PRELID2: variants seen among roughly 807,000 people sequenced by gnomAD.
The protein encoded by PRELID2 is PRELI domain containing 2.
Under a neutral mutation model 28.4 loss-of-function variants are expected in PRELID2, and 25 were observed. The observed-to-expected ratio is 0.88, with a 90% CI of 0.64 to 1.23. The LOEUF is 1.23. Ranked by LOEUF, PRELID2 falls within the 50% of genes most tolerant of loss-of-function variation. The probability of loss-of-function intolerance (pLI) is 0.00; values close to 1 mark genes in which losing one functional copy is unlikely to be tolerated. For synonymous variants in PRELID2, 76 were observed against 71.6 expected, an observed-to-expected ratio of 1.06 and a Z score of -0.31; for missense variants, 201 against 214.4, an observed-to-expected ratio of 0.94 and a Z score of 0.39.
chr5:145,304,509 T>TTGAGG, the PRELID2 span, among the ~76,000 whole-genome samples: 8 of 152,196 alleles, frequency 5.3e-5, no homozygotes, highest in Non-Finnish European at 1.2e-4. Flanking sequence ...TGACAAAATT[T>TTGAGG]TGAGGTGAGG....
chr5:145,233,969 G>A, the PRELID2 span, among the ~76,000 whole-genome samples: 2 of 152,172 alleles, frequency 1.3e-5, no homozygotes, highest in Admixed American at 1.3e-4. Flanking sequence ...TGCTTTCAGA[G>A]TCTTTGCATT....
chr5:145,434,544 T>C, the PRELID2 span, among the ~76,000 whole-genome samples: 2 of 152,164 alleles, frequency 1.3e-5, no homozygotes, highest in African/African-American at 4.8e-5. Flanking sequence ...GAATCATTAG[T>C]TCATAGATTA....
intron 1 of PRELID2, among the ~76,000 whole-genome samples, chr5:145,648,971 T>A (rs889912550): frequency 6.6e-6 from 1 of 152,064 alleles, no homozygotes; most frequent in African/African-American, 2.4e-5. Flanking sequence ...AAACCATACT[T>A]TGAGTACCTA....
At chr5:145,518,857 A>G (rs1332281153) in intron 1 of PRELID2, among the ~76,000 whole-genome samples, 3 of 152,240 alleles carry the variant, frequency 2.0e-5, no homozygotes, top group Non-Finnish European at 2.9e-5. Context: ...ACAATCCCTT[A>G]CAATGAAGGT....
chr5:145,382,932 C>T, the PRELID2 span, among the ~76,000 whole-genome samples: 3 of 151,294 alleles, frequency 2.0e-5, no homozygotes, highest in African/African-American at 7.3e-5. Context: ...AAATATATAA[C>T]AATGATCTAT....
the PRELID2 span, among the ~76,000 whole-genome samples, chr5:145,404,990 C>A: frequency 6.6e-6 from 1 of 152,040 alleles, no homozygotes; most frequent in Non-Finnish European, 1.5e-5. Flanking sequence ...CTCATATTTT[C>A]ATGGTTTTAA....
chr5:145,503,386 G>A (rs538962835), intron 1 of PRELID2, among the ~76,000 whole-genome samples: 7 of 152,164 alleles, frequency 4.6e-5, no homozygotes, highest in Middle Eastern at 6.8e-3. Flanking sequence ...ATAAAATTAA[G>A]AGAAAAACAA....
chr5:145,648,059 T>C (rs1401451248), intron 1 of PRELID2, among the ~76,000 whole-genome samples: 1 of 152,200 alleles, frequency 6.6e-6, no homozygotes. Context: ...TCACTGCCCA[T>C]TTTGGTAAGG....
At chr5:145,323,169 C>A in the PRELID2 span, among the ~76,000 whole-genome samples, 3 of 150,408 alleles carry the variant, frequency 2.0e-5, no homozygotes, top group African/African-American at 7.4e-5. Flanking sequence ...AAGACAGCAC[C>A]AGCAGAGGGG....
intron 1 of PRELID2, among the ~76,000 whole-genome samples, chr5:145,629,079 C>A (rs1294649593): frequency 5.9e-5 from 9 of 152,156 alleles, no homozygotes; most frequent in Admixed American, 5.9e-4. Context: ...CTACCAGAAC[C>A]ACTAAGTCAG....
rs542848894 is a variant in PRELID2 at position 145,821,487 on chromosome 5, T to C, written c.134-1469A>G. On this transcript the variant is annotated intron_variant, in intron 2 of 6. Coordinates refer to ENST00000683046, the MANE Select transcript of PRELID2 (RefSeq NM_205846.3). ...ATTAAGCCAGGGATGTAAAAAACAATGTTAGTTAAGAAAAAGAAAGGCAGA... is the reference window on the plus strand; with the variant it reads ...ATTAAGCCAGGGATGTAAAAAACAACGTTAGTTAAGAAAAAGAAAGGCAGA... Among the ~76,000 whole-genome samples the C allele has an allele frequency of 2.8e-4, 42 of 152,198 alleles. No individual in the cohort carries two copies. In the South Asian group the frequency reaches 8.5e-3, roughly 31 times the overall value.
the PRELID2 span, among the ~76,000 whole-genome samples, chr5:145,444,562 C>CA: frequency 6.6e-6 from 1 of 151,936 alleles, no homozygotes; most frequent in Non-Finnish European, 1.5e-5. Flanking sequence ...TTTGCACTGC[C>CA]ACTGCTCTTT....
intron 1 of PRELID2, among the ~76,000 whole-genome samples, chr5:145,586,016 A>G (rs904757801): frequency 1.3e-5 from 2 of 150,616 alleles, no homozygotes; most frequent in Admixed American, 6.9e-5. Context: ...TTTCGAGTCT[A>G]TTGTTCCAGG....
At chr5:145,448,705 G>A in the PRELID2 span, among the ~76,000 whole-genome samples, 177 of 152,276 alleles carry the variant, frequency 1.2e-3, no homozygotes, top group Non-Finnish European at 2.0e-3. Context: ...TCCTAACTGT[G>A]TGACCTGAGG....
intron 5 of PRELID2, among the ~76,000 whole-genome samples, chr5:145,768,946 C>A (rs1205928452): frequency 6.6e-6 from 1 of 151,558 alleles, no homozygotes; most frequent in African/African-American, 2.4e-5. Context: ...GAAAAAAAAA[C>A]ACCTAACAGG....
At chr5:145,298,251 G>T in the PRELID2 span, among the ~76,000 whole-genome samples, 3 of 152,154 alleles carry the variant, frequency 2.0e-5, no homozygotes. Flanking sequence ...AAAACAGCAT[G>T]GTACTGGTAC....
In PRELID2 at chr5:145,511,407, C is replaced by T. The variant is rs1415359647; in HGVS notation, n.71-38092G>A. On this transcript the variant is annotated intron_variant and non_coding_transcript_variant, in intron 1 of 2. Coordinates refer to the PRELID2 transcript ENST00000510259. ...ATCCTCACTACACAAATGGAAAAAT[C>T]AAGGAATGGAGAGCACTCTTAAATA... Among the ~76,000 whole-genome samples the T allele has an allele frequency of 2.0e-5, 3 of 152,172 alleles. No homozygotes were observed. The East Asian group carries it at 5.8e-4, about 29-fold the overall frequency.
chr5:145,350,950 A>G, the PRELID2 span, among the ~76,000 whole-genome samples: 7 of 152,328 alleles, frequency 4.6e-5, no homozygotes, highest in African/African-American at 1.7e-4. Flanking sequence ...ATTCTGTGTA[A>G]TGATAGTAGC....
the PRELID2 span, among the ~76,000 whole-genome samples, chr5:145,380,578 TAGTA>T: frequency 6.6e-6 from 1 of 152,244 alleles, no homozygotes; most frequent in Non-Finnish European, 1.5e-5. Flanking sequence ...TACACATTCA[TAGTA>T]AGTATGTTTT....
Sources: gnomAD v4.1 joint callset for allele counts (sites outside exome capture counted in the v4.1 genomes callset) on GRCh38, gnomAD v4.1.1 for gene constraint, MANE v1.5 for transcripts, NCBI Gene and HGNC (gene_info 2026-07-23, HGNC 2026-07-21) for gene names.